The following PSMA6 variants were observed in gnomAD, a reference collection of about 807,000 sequenced individuals.
The protein encoded by PSMA6 is proteasome 20S subunit alpha 6, also known as proteasome subunit alpha type-6.
For synonymous variants in PSMA6, 88 were observed against 97.7 expected, an observed-to-expected ratio of 0.90 and a Z score of 0.59; for missense variants, 170 against 294.8, an observed-to-expected ratio of 0.58 and a Z score of 3.10.
upstream of PSMA6, chr14:35,278,609 C>T (rs574733470): frequency 1.0e-5 from 14 of 1,360,910 alleles, no homozygotes; most frequent in Non-Finnish European, 1.4e-5. Flanking sequence ...CGATTCCATC[C>T]ATGCGGCTCT....
rs562032062 is a variant in PSMA6, at chr14:35,311,036, A to T, written c.409+141A>T. Reference sequence around the variant, plus strand: ...TAGAGTGGGAAAATCTTTATAATAAATCAGAACTAAAGGATAGGTTTCACA... The same window carrying T: ...TAGAGTGGGAAAATCTTTATAATAATTCAGAACTAAAGGATAGGTTTCACA... On this transcript the variant is annotated intron_variant, in intron 4 of 6. Transcript: ENST00000261479. The T allele has an allele frequency of 9.6e-5, 76 of 791,780 alleles. No individual in the cohort carries two copies. The African/African-American group carries it at 1.2e-3, about 13-fold the overall frequency. 49.0% of individuals were successfully genotyped at this position (791,780 alleles called of 1,614,324 possible). A position where few individuals can be genotyped will look rare whatever the true frequency, so the allele number is the denominator to read the frequency against.
chr14:35,317,020 G>C (rs2052056625), intron 6 of PSMA6: 1 of 401,794 alleles, frequency 2.5e-6, no homozygotes, highest in Non-Finnish European at 4.4e-6. Flanking sequence ...TGATGTCAAA[G>C]TAAACATTTT....
intron 1 of PSMA6, among the ~76,000 whole-genome samples, chr14:35,306,095 G>A (rs1307912663): frequency 6.6e-6 from 1 of 151,786 alleles, no homozygotes; most frequent in Admixed American, 6.6e-5. Flanking sequence ...TGGGTGTGGT[G>A]GTATACACCT....
At chr14:35,291,944 A>G (rs2051489811), upstream of PSMA6, among the ~76,000 whole-genome samples, 1 of 151,816 alleles carries the variant, frequency 6.6e-6, no homozygotes, top group African/African-American at 2.4e-5. Context: ...CGCTTCCTTC[A>G]GTGCCTAAAT....
At chr14:35,283,911 T>C (rs546270753) in intron 1 of PSMA6, among the ~76,000 whole-genome samples, 18 of 152,290 alleles carry the variant, frequency 1.2e-4, no homozygotes, top group Admixed American at 2.0e-4. Context: ...TTTCCATTCC[T>C]ATTGCTGCTT....
chr14:35,278,661 A>G, exon 1 of PSMA6: 1 of 1,534,912 alleles, frequency 6.5e-7, no homozygotes. Flanking sequence ...AATGGGATGG[A>G]GCCTCCACCT....
intron 1 of PSMA6, among the ~76,000 whole-genome samples, chr14:35,302,889 ATCATTTT>A (rs1566557653): frequency 6.6e-6 from 1 of 151,992 alleles, no homozygotes; most frequent in Admixed American, 6.6e-5. Context: ...GAGATTTCCT[ATCATTTT>A]TCATTTTGAG....
chr14:35,286,422 C>G (rs762322575), intron 1 of PSMA6, among the ~76,000 whole-genome samples: 23 of 152,256 alleles, frequency 1.5e-4, no homozygotes, highest in Non-Finnish European at 2.9e-4. Context: ...TTGTTTCTTC[C>G]AGTATTGTGG....
Position 35,313,137 on chromosome 14 carries a change from C to T in PSMA6, c.588+78C>T, listed in dbSNP as rs909507527. On this transcript the variant is annotated intron_variant, in intron 5 of 6. Transcript: ENST00000261479. The stretch of plus-strand genomic sequence containing the variant: ...ATCTTTGTATAATTTCTATACAAAG[C>T]TATTCCTGAATTACATCCCAGGATT... 1.0e-5 allele frequency: 13 copies of T among 1,288,892 alleles called. No individual in the cohort carries two copies. In the Admixed American group the frequency reaches 2.6e-4, roughly 26 times the overall value. 79.8% of individuals were successfully genotyped at this position (1,288,892 alleles called of 1,614,324 possible). A position where few individuals can be genotyped will look rare whatever the true frequency, so the allele number is the denominator to read the frequency against.
rs183529747 is a variant in PSMA6, at chr14:35,309,114, G to A, written c.253+119G>A. 43 of 752,898 alleles carry A rather than the reference G, an allele frequency of 5.7e-5. No homozygotes were observed. The East Asian group carries it at 1.1e-3, about 18-fold the overall frequency. The allele number at this position is 752,898 out of a possible 1,614,324, so 46.6% of individuals were successfully genotyped here. ...TTATTGCCTGATTTTCAAGTGCCAT[G>A]AGTGGATTTGCAGTCTTCTAAGACT... On this transcript the variant is annotated intron_variant, in intron 3 of 6. Coordinates refer to ENST00000261479, the MANE Select transcript of PSMA6 (RefSeq NM_002791.3).
intron 5 of PSMA6, 54 bp from the exon 6 acceptor site, chr14:35,314,307 A>G (rs2051997887): frequency 1.4e-6 from 2 of 1,469,712 alleles, no homozygotes; most frequent in African/African-American, 2.8e-5. Flanking sequence ...GGAATGAGAA[A>G]ACCTTGGAAT....
chr14:35,284,942 C>T (rs1356828296), intron 1 of PSMA6, among the ~76,000 whole-genome samples: 1 of 152,206 alleles, frequency 6.6e-6, no homozygotes, highest in Non-Finnish European at 1.5e-5. Context: ...CCTAAATCTG[C>T]TGTCTGTGGT....
At chr14:35,313,832 G>T (rs10143083) in intron 5 of PSMA6, 7,395 of 152,262 alleles carry the variant, frequency 0.049, 262 homozygotes, top group African/African-American at 0.097. Context: ...GGTGGCAGGC[G>T]CCTGTAATTC....
At chr14:35,284,786 C>T (rs1323129902) in intron 1 of PSMA6, among the ~76,000 whole-genome samples, 1 of 152,152 alleles carries the variant, frequency 6.6e-6, no homozygotes, top group Non-Finnish European at 1.5e-5. Flanking sequence ...GTGCCATCCT[C>T]TATAATCATA....
At chr14:35,279,511 A>G (rs1019376474) in intron 1 of PSMA6, among the ~76,000 whole-genome samples, 1 of 152,230 alleles carries the variant, frequency 6.6e-6, no homozygotes. Flanking sequence ...ACAGAAGCTG[A>G]ACCCTGATAA....
chr14:35,304,208 G>A (rs1350277357), intron 1 of PSMA6, among the ~76,000 whole-genome samples: 1 of 152,092 alleles, frequency 6.6e-6, no homozygotes, highest in Non-Finnish European at 1.5e-5. Flanking sequence ...CCTGACTTCA[G>A]GTGATCTGCC....
upstream of PSMA6, among the ~76,000 whole-genome samples, chr14:35,289,933 A>AG (rs1262846012): frequency 1.3e-5 from 2 of 149,664 alleles, no homozygotes; most frequent in African/African-American, 2.5e-5. Context: ...AAAAAAAAAA[A>AG]AAAGGCAGAA....
chr14:35,314,186 A>G, intron 5 of PSMA6, 175 bp from the exon 6 acceptor site: 1 of 606,138 alleles, frequency 1.6e-6, no homozygotes, highest in Admixed American at 4.6e-5. Flanking sequence ...GGTAGAAAAA[A>G]ATTTCTCATC....
In PSMA6 at chr14:35,317,415, C is replaced by T. The variant is rs1379854013; in HGVS notation, c.*109C>T. 4.3e-6 allele frequency: 4 copies of T among 923,236 alleles called. No homozygotes were observed. The highest frequency in any genetic ancestry group is 2.0e-5 in the Admixed American group (1 of 49,992). 57.2% of individuals were successfully genotyped at this position (923,236 alleles called of 1,614,324 possible). On this transcript the variant is annotated 3_prime_UTR_variant, in exon 7 of 7. Transcript: ENST00000261479. ...ATTGAAAAAGGAGCCTCTCCCACTC[C>T]TCCTACCACCGAAGTGGTTAGGACT...
Sources: gnomAD v4.1 joint callset for allele counts (sites outside exome capture counted in the v4.1 genomes callset) on GRCh38, gnomAD v4.1.1 for gene constraint, MANE v1.5 for transcripts, NCBI Gene and HGNC (gene_info 2026-07-23, HGNC 2026-07-21) for gene names.